The following BLM variants were observed in gnomAD, a reference collection of about 807,000 sequenced individuals.
The protein encoded by BLM is recQ-like DNA helicase BLM.
BLM carries 95 observed loss-of-function variants against 135.3 expected under a neutral mutation model. The ratio of observed to expected loss-of-function variants is 0.70; its 90% CI spans 0.59 to 0.83. BLM has a LOEUF of 0.83. Ranked by LOEUF, BLM falls within the 40% of genes least tolerant of loss-of-function variation. The pLI is 0.00. For missense variants in BLM, 1,518 were observed against 1,663.9 expected (o/e 0.91, Z 1.53); for synonymous variants, 520 against 589.2 (o/e 0.88, Z 1.70).
intron 14 of BLM, among the ~76,000 whole-genome samples, chr15:90,787,507 A>C (rs1896783260): frequency 6.6e-6 from 1 of 152,246 alleles, no homozygotes; most frequent in Non-Finnish European, 1.5e-5. Context: ...CAGAGGAAAA[A>C]TATCTCTCAA....
At chr15:90,775,759 G>A (rs948200290) in intron 12 of BLM, among the ~76,000 whole-genome samples, 1 of 151,934 alleles carries the variant, frequency 6.6e-6, no homozygotes, top group Non-Finnish European at 1.5e-5. Flanking sequence ...TGATCCACCC[G>A]CCCCAGCCTC....
intron 13 of BLM, among the ~76,000 whole-genome samples, chr15:90,784,283 T>C (rs933088518): frequency 1.3e-5 from 2 of 151,368 alleles, no homozygotes; most frequent in African/African-American, 4.9e-5. Context: ...TCTTGATACA[T>C]ACTGCCATAT....
rs766212032 is a variant in BLM at position 90,760,176 on chromosome 15, A to G, written c.1117A>G (p.Ile373Val). ...ARQISLQQQL[I>V]HVMEHICKLI... is the part of the protein sequence containing the mutation. ...ACAGATAAGTTTACAGCAGCAGCTT[A>G]TTCATGTGATGGAGCACATCTGTAA... The change falls in exon 6 of 22, where the codon ATT becomes GTT. Residue 373 changes from isoleucine (I) to valine (V), a missense_variant. Coordinates refer to ENST00000355112, the MANE Select transcript of BLM (RefSeq NM_000057.4). 4 of 1,612,190 alleles carry G rather than the reference A, an allele frequency of 2.5e-6. No individual in the cohort carries two copies. The highest frequency in any genetic ancestry group is 3.4e-6 in the Non-Finnish European group (4 of 1,178,404).
At chr15:90,809,743 T>C (rs1307827292) in intron 20 of BLM, among the ~76,000 whole-genome samples, 1 of 152,238 alleles carries the variant, frequency 6.6e-6, no homozygotes, top group African/African-American at 2.4e-5. Flanking sequence ...TAGTCATTGA[T>C]AGAACCTGCC....
chr15:90,735,942 G>T (rs950758448), intron 1 of BLM, among the ~76,000 whole-genome samples: 1 of 152,054 alleles, frequency 6.6e-6, no homozygotes, highest in Non-Finnish European at 1.5e-5. Context: ...CTAAAATTTG[G>T]TTAAAAAGGC....
chr15:90,754,727 AG>A lies in BLM; in HGVS notation c.960-83del, dbSNP rs562015526. 576 of 1,404,082 alleles carry A rather than the reference AG, an allele frequency of 4.1e-4. 4 individuals are homozygous for A. The African/African-American group carries it at 7.7e-3, about 19-fold the overall frequency. The allele number at this position is 1,404,082 out of a possible 1,614,324, so 87.0% of individuals were successfully genotyped here. A position where few individuals can be genotyped will look rare whatever the true frequency, so the allele number is the denominator to read the frequency against. On this transcript the variant is annotated intron_variant, in intron 4 of 21. Coordinates refer to ENST00000355112, the MANE Select transcript of BLM (RefSeq NM_000057.4). Reference sequence around the variant, plus strand: ...TGTTATATATTGTCTGATCAGTGGTAGAAAAATATTAAGGGTTTCAAAATTA... The same window carrying A: ...TGTTATATATTGTCTGATCAGTGGTAAAAAATATTAAGGGTTTCAAAATTA...
chr15:90,805,274 G>A (rs958347266), intron 19 of BLM, among the ~76,000 whole-genome samples: 1 of 150,582 alleles, frequency 6.6e-6, no homozygotes, highest in African/African-American at 2.4e-5. Context: ...TGTTATATAT[G>A]GTATAATTTT....
chr15:90,785,245 T>C (rs942843622), intron 14 of BLM, among the ~76,000 whole-genome samples, 164 bp downstream of exon 14: 1 of 152,242 alleles, frequency 6.6e-6, no homozygotes, highest in African/African-American at 2.4e-5. Flanking sequence ...AAAGTTGCTT[T>C]TTCTTTCATA....
At position 90,794,187 on chromosome 15, in the gene BLM, C is replaced by T; in HGVS notation, c.3040C>T (p.His1014Tyr). The change falls in exon 16 of 22, where the codon CAT becomes TAT. Residue 1014 changes from histidine to tyrosine, a missense_variant. Around this residue, in one of 5 missense-constraint regions of BLM, gnomAD observed 626 missense variants for 681.1 expected, o/e 0.92. Coordinates refer to ENST00000355112, the MANE Select transcript of BLM (RefSeq NM_000057.4). ...TTTAGTGGAAAAAGATGGAAACCAT[C>T]ATACAAGAGAAACTCACTTCAATAA... ...LIMMEKDGNH[H>Y]TRETHFNNLY... 1 of 1,603,916 alleles carries T rather than the reference C, an allele frequency of 6.2e-7. No homozygotes were observed. Among genetic ancestry groups the T allele is most frequent in the South Asian group, 1.1e-5 (1 of 89,640 alleles).
chr15:90,788,471 G>GTTTTGTT (rs1896809359), intron 14 of BLM, among the ~76,000 whole-genome samples: 2 of 94,984 alleles, frequency 2.1e-5, no homozygotes, highest in African/African-American at 8.0e-5. Flanking sequence ...CCAGTGTTTT[G>GTTTTGTT]TTTTTTTTTT....
Position 90,749,482 on chromosome 15 carries a change from T to G in BLM, c.214T>G (p.Ser72Ala), listed in dbSNP as rs146521411. The change falls in exon 3 of 22, where the codon TCC becomes GCC. Residue 72 changes from serine (S) to alanine (A), a missense_variant. Physicochemically the swap from Ser to Ala is moderately conservative, Grantham distance 99. Coordinates refer to ENST00000355112, the MANE Select transcript of BLM (RefSeq NM_000057.4). Reference sequence around the variant, plus strand: ...AGATGTTAATGTTACCGAAGACTTTTCCTTCAGTGAACCTCTACCCAACAC... The same window carrying G: ...AGATGTTAATGTTACCGAAGACTTTGCCTTCAGTGAACCTCTACCCAACAC... ...NKDVNVTEDF[S>A]FSEPLPNTTN... 3 of 1,613,958 alleles carry G rather than the reference T, an allele frequency of 1.9e-6. No individual in the cohort carries two copies. The highest frequency in any genetic ancestry group is 2.5e-6 in the Non-Finnish European group (3 of 1,179,798).
At chr15:90,738,578 A>G (rs745353901) in intron 1 of BLM, among the ~76,000 whole-genome samples, 32 of 148,922 alleles carry the variant, frequency 2.1e-4, no homozygotes, top group Non-Finnish European at 4.3e-4. Context: ...ACAAAACAAA[A>G]CAAAACAAAA....
intron 17 of BLM, among the ~76,000 whole-genome samples, chr15:90,802,639 C>T (rs1897189881): frequency 6.6e-6 from 1 of 152,126 alleles, no homozygotes; most frequent in South Asian, 2.1e-4. Flanking sequence ...ATTTAGAAAA[C>T]TGACTGTCAA....
At chr15:90,812,355 T>G (rs1897443468) in intron 21 of BLM, among the ~76,000 whole-genome samples, 1 of 152,210 alleles carries the variant, frequency 6.6e-6, no homozygotes, top group Non-Finnish European at 1.5e-5. Context: ...TTCCCATGTT[T>G]TCCTGGGCCG....
intron 1 of BLM, among the ~76,000 whole-genome samples, chr15:90,718,145 C>T (rs763331424): frequency 2.3e-4 from 35 of 152,122 alleles, no homozygotes; most frequent in Non-Finnish European, 3.8e-4. Flanking sequence ...ATAAATGCTT[C>T]GAAGGCTACC....
chr15:90,815,021 T>A lies in BLM; in HGVS notation c.4077-81T>A. ...CATTAGGCCCAGGGAAGTGGTATTG[T>A]AGCTCTGTGCAGGTTGAGAGGAAGG... is the stretch of plus-strand genomic sequence containing the variant. On this transcript the variant is annotated intron_variant, in intron 21 of 21. Transcript: ENST00000355112. The surrounding 1 kb of genome is among the most constrained non-coding windows in gnomAD (Gnocchi z 4.6). The A allele has an allele frequency of 1.4e-6, 2 of 1,396,192 alleles. No homozygotes were observed. Among genetic ancestry groups the A allele is most frequent in the Non-Finnish European group, 2.0e-6 (2 of 1,003,366 alleles). 86.5% of individuals were successfully genotyped at this position (1,396,192 alleles called of 1,614,324 possible). A position where few individuals can be genotyped will look rare whatever the true frequency, so the allele number is the denominator to read the frequency against.
chr15:90,765,327 T>G lies in BLM; in HGVS notation c.2106T>G (p.Pro702=), dbSNP rs529421306. The part of the protein sequence containing the change: ...GGGKSLCYQL[P]ACVSPGVTVV... Reference sequence around the variant, plus strand: ...GTAAGAGTTTGTGTTACCAGCTCCCTGCCTGTGTTTCTCCTGGGGTCACTG... The same window carrying G: ...GTAAGAGTTTGTGTTACCAGCTCCCGGCCTGTGTTTCTCCTGGGGTCACTG... The change falls in exon 9 of 22, where the codon CCT becomes CCG. Residue 702 remains proline (P), a synonymous_variant. Transcript: ENST00000355112. 5 of 1,613,704 alleles carry G rather than the reference T, an allele frequency of 3.1e-6. No individual in the cohort carries two copies. Among genetic ancestry groups the G allele is most frequent in the Non-Finnish European group, 8.5e-7 (1 of 1,179,600 alleles).
intron 16 of BLM, among the ~76,000 whole-genome samples, chr15:90,794,813 A>AT (rs11393211): frequency 0.35 from 52,008 of 150,164 alleles, 10,409 homozygotes; most frequent in African/African-American, 0.56. Context: ...ATATACTAAA[A>AT]ATCTCATTCT....
At chr15:90,797,286 G>T (rs62025121) in intron 16 of BLM, among the ~76,000 whole-genome samples, 1 of 151,784 alleles carries the variant, frequency 6.6e-6, no homozygotes, top group Non-Finnish European at 1.5e-5. Flanking sequence ...CATGGTGGCA[G>T]GTGCCTGTAA....
Sources: gnomAD v4.1 joint callset for allele counts (sites outside exome capture counted in the v4.1 genomes callset) on GRCh38, gnomAD v4.1.1 for gene constraint, gnomAD v4.1.1 regional missense constraint, Gnocchi (gnomAD v3.1) non-coding constraint, MANE v1.5 for transcripts, NCBI Gene and HGNC (gene_info 2026-07-23, HGNC 2026-07-21) for gene names.